The following LRP1B variants were observed in gnomAD, a reference collection of about 807,000 sequenced individuals.
The protein encoded by LRP1B is LDL receptor related protein 1B.
A neutral mutation model predicts 556.6 loss-of-function variants in LRP1B; 217 were observed. The observed-to-expected ratio is 0.39, with a 90% CI of 0.35 to 0.44. LRP1B has a LOEUF of 0.44. Among genes scored for constraint, LRP1B ranks in the 20% least tolerant of loss-of-function variants. The pLI, the probability that LRP1B is intolerant of heterozygous loss-of-function variation, is 1.00. For synonymous variants in LRP1B, 2,047 were observed against 1,865.8 expected (o/e 1.10, Z -2.50); for missense variants, 5,053 against 5,620.8 (o/e 0.90, Z 3.23).
At chr2:141,350,290 G>A (rs1176226690) in intron 3 of LRP1B, among the ~76,000 whole-genome samples, 1 of 151,940 alleles carries the variant, frequency 6.6e-6, no homozygotes, top group African/African-American at 2.4e-5. Context: ...TGTACAAGTA[G>A]CAAAGGCCAG....
chr2:140,861,447 C>A (rs1266788637), intron 27 of LRP1B, among the ~76,000 whole-genome samples: 1 of 152,142 alleles, frequency 6.6e-6, no homozygotes, highest in African/African-American at 2.4e-5. Context: ...ATCTTTATAA[C>A]AATTCCATTT....
chr2:141,939,821 G>A (rs1307489531), intron 1 of LRP1B, among the ~76,000 whole-genome samples: 1 of 152,038 alleles, frequency 6.6e-6, no homozygotes, highest in African/African-American at 2.4e-5. Flanking sequence ...ACTACAATAA[G>A]GTATTTTCCC....
intron 27 of LRP1B, among the ~76,000 whole-genome samples, chr2:140,854,930 A>G (rs1223076486): frequency 1.3e-5 from 2 of 152,206 alleles, no homozygotes; most frequent in Non-Finnish European, 2.9e-5. Flanking sequence ...TGGGAAAGCC[A>G]TTGATCAATG....
chr2:141,310,161 A>G (rs917463482), intron 3 of LRP1B, among the ~76,000 whole-genome samples: 2 of 152,194 alleles, frequency 1.3e-5, no homozygotes, highest in Non-Finnish European at 2.9e-5. Context: ...ACAACATAAA[A>G]GATTGTACAG....
intron 3 of LRP1B, among the ~76,000 whole-genome samples, chr2:141,279,418 G>A (rs1196384767): frequency 6.6e-6 from 1 of 151,992 alleles, no homozygotes; most frequent in Non-Finnish European, 1.5e-5. Context: ...CCAAAAGATT[G>A]GTACTGTAGA....
chr2:141,545,275 A>G (rs1685510855), intron 2 of LRP1B, among the ~76,000 whole-genome samples: 1 of 152,156 alleles, frequency 6.6e-6, no homozygotes, highest in Non-Finnish European at 1.5e-5. Context: ...TCTCTGTCTC[A>G]TGACTAGGGC....
intron 1 of LRP1B, among the ~76,000 whole-genome samples, chr2:142,110,577 A>G (rs1335360799): frequency 2.6e-5 from 4 of 152,160 alleles, no homozygotes; most frequent in Non-Finnish European, 5.9e-5. Flanking sequence ...AATAAATTAC[A>G]TTTTGAATGA....
intron 67 of LRP1B, among the ~76,000 whole-genome samples, chr2:140,385,638 G>A (rs1233285702): frequency 2.0e-5 from 3 of 152,088 alleles, no homozygotes; most frequent in African/African-American, 7.2e-5. Context: ...ATACTAATGG[G>A]TTGCATTAAA....
At chr2:141,932,652 T>C (rs930335752) in intron 1 of LRP1B, among the ~76,000 whole-genome samples, 5 of 152,090 alleles carry the variant, frequency 3.3e-5, no homozygotes, top group Non-Finnish European at 7.4e-5. Context: ...TCAAAGGTGA[T>C]GTAAATTTAA....
intron 3 of LRP1B, among the ~76,000 whole-genome samples, chr2:141,340,795 G>A (rs544844125): frequency 6.6e-6 from 1 of 152,224 alleles, no homozygotes; most frequent in East Asian, 1.9e-4. Flanking sequence ...ATTTTAAGTT[G>A]CCATGACTTA....
chr2:140,716,714 C>T lies in LRP1B; in HGVS notation c.5861G>A (p.Arg1954Lys), dbSNP rs562168392. The change falls in exon 36 of 91, where the codon AGA becomes AAA. Residue 1954 changes from arginine (R) to lysine (K), a missense_variant. Physicochemically the swap from Arg to Lys is conservative, Grantham distance 26. This residue lies in a region of LRP1B where 3,619 missense variants were observed against 3,931.9 expected (regional missense o/e 0.92). Transcript: ENST00000389484. Reference sequence around the variant, plus strand: ...CCAGTCAACAGCTATCCCTTCCACTCTTCCCAAGCCATTGGTAATGATATC... The same window carrying T: ...CCAGTCAACAGCTATCCCTTCCACTTTTCCCAAGCCATTGGTAATGATATC... ...KEDIITNGLG[R>K]VEGIAVDWIA... The T allele has an allele frequency of 6.2e-7, 1 of 1,612,150 alleles. No individual in the cohort carries two copies. The highest frequency in any genetic ancestry group is 1.1e-5 in the South Asian group (1 of 90,934).
chr2:140,863,837 AAT>A (rs1692869494), intron 27 of LRP1B, among the ~76,000 whole-genome samples: 1 of 152,078 alleles, frequency 6.6e-6, no homozygotes, highest in African/African-American at 2.4e-5. Context: ...CCTAATTGTT[AAT>A]TTAGTCTGTT....
intron 37 of LRP1B, among the ~76,000 whole-genome samples, chr2:140,715,494 T>C (rs72981835): frequency 0.021 from 3,267 of 152,116 alleles, 102 homozygotes; most frequent in African/African-American, 0.072. Context: ...GTCAAAACAG[T>C]TAGTTATACT....
chr2:142,106,741 T>A (rs966276140), intron 1 of LRP1B, among the ~76,000 whole-genome samples: 2 of 152,136 alleles, frequency 1.3e-5, no homozygotes, highest in Non-Finnish European at 2.9e-5. Flanking sequence ...GTGGTAATAA[T>A]GATGACCTTG....
At chr2:140,791,127 G>A (rs975373750) in intron 32 of LRP1B, among the ~76,000 whole-genome samples, 8 of 151,932 alleles carry the variant, frequency 5.3e-5, no homozygotes, top group African/African-American at 1.2e-4. Context: ...AGTGGTGCAC[G>A]CCTGTAGTCC....
intron 3 of LRP1B, among the ~76,000 whole-genome samples, chr2:141,378,787 T>G (rs147468596): frequency 2.6e-5 from 4 of 152,240 alleles, no homozygotes; most frequent in African/African-American, 9.6e-5. Flanking sequence ...AAAGAATACA[T>G]GAACTTTAAG....
At chr2:141,376,276 TC>T (rs1472466817) in intron 3 of LRP1B, among the ~76,000 whole-genome samples, 1 of 152,124 alleles carries the variant, frequency 6.6e-6, no homozygotes, top group South Asian at 2.1e-4. Flanking sequence ...CCCCAGTGAG[TC>T]TAGGGTGTCT....
intron 3 of LRP1B, among the ~76,000 whole-genome samples, chr2:141,411,263 C>A (rs1456492794): frequency 6.6e-6 from 1 of 152,064 alleles, no homozygotes; most frequent in East Asian, 1.9e-4. Flanking sequence ...CACAGAAAAC[C>A]TAAGGTAATC....
chr2:141,963,658 G>A, intron 1 of LRP1B, among the ~76,000 whole-genome samples: 1 of 150,780 alleles, frequency 6.6e-6, no homozygotes, highest in East Asian at 2.0e-4. Context: ...GCAAAAACTG[G>A]AAGCATTCCC....
Sources: allele counts gnomAD v4.1 joint callset (sites outside exome capture counted in the v4.1 genomes callset), GRCh38; gene constraint gnomAD v4.1.1; regional missense constraint gnomAD v4.1.1; transcripts MANE v1.5; gene names NCBI Gene and HGNC (gene_info 2026-07-23, HGNC 2026-07-21).